RANBP2: variants seen among roughly 807,000 people sequenced by gnomAD.
The protein encoded by RANBP2 is E3 SUMO-protein ligase RanBP2.
RANBP2 carries 57 observed loss-of-function variants against 303.6 expected under a neutral mutation model. The observed-to-expected ratio is 0.19, with a 90% CI of 0.15 to 0.23. The LOEUF is 0.23. Among genes scored for constraint, RANBP2 ranks in the 10% least tolerant of loss-of-function variants. The pLI, the probability that RANBP2 is intolerant of heterozygous loss-of-function variation, is 1.00. For missense variants in RANBP2, 3,138 were observed against 3,780.8 expected, an observed-to-expected ratio of 0.83 and a Z score of 4.46; for synonymous variants, 1,167 against 1,301.5, an observed-to-expected ratio of 0.90 and a Z score of 2.23.
intron 8 of RANBP2, among the ~76,000 whole-genome samples, chr2:108,748,308 T>C (rs999071595): frequency 9.2e-5 from 14 of 151,378 alleles, no homozygotes; most frequent in Middle Eastern, 3.5e-3. Context: ...CCTGGGTTCA[T>C]GCCATTCTCC....
At chr2:109,210,604 A>C in the RANBP2 span, among the ~76,000 whole-genome samples, 2 of 152,306 alleles carry the variant, frequency 1.3e-5, no homozygotes, top group East Asian at 3.9e-4. Context: ...GATTGTGTCC[A>C]GCTCAGGGAA....
chr2:109,182,463 C>G, the RANBP2 span, among the ~76,000 whole-genome samples: 1 of 152,216 alleles, frequency 6.6e-6, no homozygotes, highest in Non-Finnish European at 1.5e-5. Flanking sequence ...GGGGGACACA[C>G]TCAAACTATA....
At chr2:109,557,850 T>TC in the RANBP2 span, among the ~76,000 whole-genome samples, 1 of 141,922 alleles carries the variant, frequency 7.0e-6, no homozygotes, top group Admixed American at 7.6e-5. Flanking sequence ...GTCATAATTT[T>TC]CTTTTTTTTT....
At chr2:109,761,696 G>T in the RANBP2 span, among the ~76,000 whole-genome samples, 10 of 147,548 alleles carry the variant, frequency 6.8e-5, no homozygotes, top group Non-Finnish European at 1.3e-4. Flanking sequence ...GCACTATTCA[G>T]GTGGTAAAAT....
the RANBP2 span, among the ~76,000 whole-genome samples, chr2:109,200,302 G>T: frequency 6.6e-6 from 1 of 152,070 alleles, no homozygotes; most frequent in African/African-American, 2.4e-5. Flanking sequence ...TTGCTCAGAG[G>T]CCTTCCCAGA....
chr2:109,465,931 G>A, the RANBP2 span, among the ~76,000 whole-genome samples: 13 of 152,046 alleles, frequency 8.6e-5, no homozygotes, highest in African/African-American at 3.1e-4. Flanking sequence ...CCGTCCCCAC[G>A]ATCCAGTCAC....
chr2:109,764,538 A>G, the RANBP2 span, among the ~76,000 whole-genome samples: 1 of 150,150 alleles, frequency 6.7e-6, no homozygotes, highest in African/African-American at 2.4e-5. Flanking sequence ...TAGGTTGTAC[A>G]TATTAGTGTT....
At chr2:109,548,732 C>T in the RANBP2 span, among the ~76,000 whole-genome samples, 1 of 135,040 alleles carries the variant, frequency 7.4e-6, no homozygotes, top group Non-Finnish European at 1.5e-5. Flanking sequence ...GCCGAGATAG[C>T]GCCATTGCAC....
At chr2:108,839,408 A>G in the RANBP2 span, 2 of 918,412 alleles carry the variant, frequency 2.2e-6, no homozygotes, top group Middle Eastern at 2.6e-4. Flanking sequence ...ATTTCAGAAT[A>G]ATCTTCCCTA....
chr2:108,795,763 G>C, the RANBP2 span, among the ~76,000 whole-genome samples: 1 of 152,132 alleles, frequency 6.6e-6, no homozygotes, highest in East Asian at 1.9e-4. Context: ...GAAATGAGAG[G>C]TGTTCTGAAA....
At chr2:109,669,148 C>T in the RANBP2 span, among the ~76,000 whole-genome samples, 4 of 151,910 alleles carry the variant, frequency 2.6e-5, no homozygotes, top group Admixed American at 2.0e-4. Flanking sequence ...GACTAGACTC[C>T]TATCTCTCCT....
chr2:109,113,456 A>C, the RANBP2 span, among the ~76,000 whole-genome samples: 12 of 152,176 alleles, frequency 7.9e-5, no homozygotes, highest in Non-Finnish European at 1.6e-4. Context: ...GGTGTATAAG[A>C]ATGCTTGTGA....
chr2:109,250,975 CT>C, the RANBP2 span, among the ~76,000 whole-genome samples: 689 of 149,800 alleles, frequency 4.6e-3, 7 homozygotes, highest in African/African-American at 0.014. Flanking sequence ...TTCTGTATAG[CT>C]TTTTTTTTCA....
At chr2:109,403,701 C>T in the RANBP2 span, among the ~76,000 whole-genome samples, 1 of 152,216 alleles carries the variant, frequency 6.6e-6, no homozygotes, top group African/African-American at 2.4e-5. Context: ...GGCTCCCTCT[C>T]TCTAGCTGTG....
the RANBP2 span, among the ~76,000 whole-genome samples, chr2:108,872,302 A>G: frequency 6.6e-6 from 1 of 152,082 alleles, no homozygotes; most frequent in African/African-American, 2.4e-5. Context: ...GAATACATTC[A>G]TTCCATCCCA....
At chr2:109,009,725 T>TG in the RANBP2 span, among the ~76,000 whole-genome samples, 9 of 148,588 alleles carry the variant, frequency 6.1e-5, no homozygotes, top group East Asian at 1.6e-3. Flanking sequence ...TTTTTTTTTT[T>TG]GCAGGGACAA....
At chr2:109,722,817 C>T in the RANBP2 span, among the ~76,000 whole-genome samples, 5 of 152,256 alleles carry the variant, frequency 3.3e-5, no homozygotes, top group African/African-American at 9.6e-5. Flanking sequence ...GATCTTGTTC[C>T]TTTTTATGGC....
At chr2:109,521,217 CAA>C in the RANBP2 span, among the ~76,000 whole-genome samples, 12 of 115,290 alleles carry the variant, frequency 1.0e-4, no homozygotes, top group Non-Finnish European at 1.1e-4. Context: ...GACTCCGTCT[CAA>C]AAAAAAAAAA....
chr2:109,326,552 A>T, the RANBP2 span, among the ~76,000 whole-genome samples: 1 of 152,114 alleles, frequency 6.6e-6, no homozygotes, highest in Non-Finnish European at 1.5e-5. Flanking sequence ...TGGGTGTGAA[A>T]TGGCATCTCA....
Sources: gnomAD v4.1 joint callset for allele counts (sites outside exome capture counted in the v4.1 genomes callset) on GRCh38, gnomAD v4.1.1 for gene constraint, MANE v1.5 for transcripts, NCBI Gene and HGNC (gene_info 2026-07-23, HGNC 2026-07-21) for gene names.